The following MTR variants were observed in gnomAD, a reference collection of about 807,000 sequenced individuals.
The protein encoded by MTR is 5-methyltetrahydrofolate-homocysteine methyltransferase.
MTR carries 84 observed loss-of-function variants against 154.8 expected under a neutral mutation model. The observed-to-expected ratio is 0.54, with a 90% CI of 0.45 to 0.65. The LOEUF (loss-of-function observed/expected upper bound fraction) is 0.65, where lower values mean the gene tolerates loss of function less well. Ranked by LOEUF, MTR falls within the 30% of genes least tolerant of loss-of-function variation. The probability of loss-of-function intolerance (pLI) is 0.00; values close to 1 mark genes in which losing one functional copy is unlikely to be tolerated. For missense variants in MTR, 1,275 were observed against 1,570.2 expected, an observed-to-expected ratio of 0.81 and a Z score of 3.18; for synonymous variants, 554 against 553.9, an observed-to-expected ratio of 1.00 and a Z score of 0.00.
At chr1:236,813,934 GA>G (rs1294547177) in intron 6 of MTR, among the ~76,000 whole-genome samples, 2 of 151,948 alleles carry the variant, frequency 1.3e-5, no homozygotes, top group African/African-American at 2.4e-5. Flanking sequence ...TTTGTTGTGG[GA>G]GGGGGAGACT....
Position 236,835,645 on chromosome 1 carries a change from C to T in MTR, c.1287C>T (p.Thr429=). ...DGMLDGPSAM[T]RFCNLIASEP... is the part of the protein sequence containing the mutation. ...TGCTAGATGGTCCAAGTGCAATGACCAGATTTTGCAACTTAATTGCTTCCG... is the reference window on the plus strand; with the variant it reads ...TGCTAGATGGTCCAAGTGCAATGACTAGATTTTGCAACTTAATTGCTTCCG... Residue 429 remains threonine, a synonymous_variant, in exon 14 of 33, where the codon ACC becomes ACT. Coordinates refer to ENST00000366577, the MANE Select transcript of MTR (RefSeq NM_000254.3). 6.2e-7 allele frequency: 1 copy of T among 1,611,140 alleles called. No homozygotes were observed. Among genetic ancestry groups the T allele is most frequent in the Non-Finnish European group, 8.5e-7 (1 of 1,179,478 alleles).
At chr1:236,858,511 G>A (rs371014833) in intron 18 of MTR, among the ~76,000 whole-genome samples, 31 of 152,282 alleles carry the variant, frequency 2.0e-4, no homozygotes, top group African/African-American at 3.6e-4. Context: ...GTACCATGTC[G>A]TGAAAGCAAT....
intron 8 of MTR, 108 bp from the exon 9 acceptor site, chr1:236,824,011 G>A (rs1392915831): frequency 2.2e-6 from 2 of 925,072 alleles, no homozygotes; most frequent in Non-Finnish European, 3.5e-6. Flanking sequence ...TTTGAATGAG[G>A]AGATTTATTA....
intron 18 of MTR, among the ~76,000 whole-genome samples, chr1:236,857,272 C>T (rs981303709): frequency 6.6e-5 from 10 of 152,112 alleles, no homozygotes; most frequent in African/African-American, 2.4e-4. Flanking sequence ...TTTCTCCCTC[C>T]TCTCCTTCTT....
Position 236,838,456 on chromosome 1 carries a change from G to A in MTR, c.1372G>A (p.Ala458Thr). ...IDSSNFAVIE[A>T]GLKCCQGKCI... ...CTCCTCCAATTTTGCTGTGATTGAA[G>A]CTGGGTTAAAGTGCTGCCAAGGGAA... The change falls in exon 15 of 33, where the codon GCT becomes ACT. Residue 458 changes from alanine to threonine, a missense_variant. By Grantham distance (58) the Ala-to-Thr change is moderately conservative (BLOSUM62 0). Transcript: ENST00000366577. The A allele has an allele frequency of 6.2e-7, 1 of 1,614,146 alleles. No individual in the cohort carries two copies.
intron 26 of MTR, among the ~76,000 whole-genome samples, chr1:236,885,681 C>CCGAGA (rs1386409579): frequency 4.6e-5 from 7 of 152,182 alleles, no homozygotes; most frequent in African/African-American, 1.4e-4. Flanking sequence ...TAAGAACTGT[C>CCGAGA]CGTCTCTTGA....
intron 24 of MTR, among the ~76,000 whole-genome samples, chr1:236,880,044 C>T (rs1410790715): frequency 1.3e-5 from 2 of 152,052 alleles, no homozygotes; most frequent in Middle Eastern, 3.4e-3. Context: ...GCCTGTAGTC[C>T]CAGCTACTTG....
At chr1:236,865,800 C>G (rs752945385) in intron 22 of MTR, among the ~76,000 whole-genome samples, 4 of 151,724 alleles carry the variant, frequency 2.6e-5, no homozygotes, top group Non-Finnish European at 4.4e-5. Flanking sequence ...TCTTTGTCAC[C>G]TTTTTGTTGT....
intron 18 of MTR, among the ~76,000 whole-genome samples, chr1:236,856,361 G>A (rs1395976347): frequency 6.6e-6 from 1 of 151,832 alleles, no homozygotes; most frequent in Non-Finnish European, 1.5e-5. Context: ...ATCTCGTTCA[G>A]GTTTTTCAAC....
chr1:236,841,943 T>G (rs1414000087), intron 15 of MTR, among the ~76,000 whole-genome samples: 1 of 149,046 alleles, frequency 6.7e-6, no homozygotes, highest in Non-Finnish European at 1.5e-5. Flanking sequence ...CAGGCTGGAG[T>G]GCGGTGGCGC....
chr1:236,865,875 C>A (rs931316508), intron 22 of MTR, among the ~76,000 whole-genome samples: 1 of 151,814 alleles, frequency 6.6e-6, no homozygotes, highest in Non-Finnish European at 1.5e-5. Flanking sequence ...GATCCTACTA[C>A]CCTGCCTGTT....
intron 6 of MTR, among the ~76,000 whole-genome samples, chr1:236,814,818 T>G (rs1661494952): frequency 6.6e-6 from 1 of 152,194 alleles, no homozygotes; most frequent in African/African-American, 2.4e-5. Flanking sequence ...CCGTAAGATC[T>G]TTAGGATCAA....
At chr1:236,857,192 G>T (rs2103275919) in intron 18 of MTR, among the ~76,000 whole-genome samples, 1 of 152,280 alleles carries the variant, frequency 6.6e-6, no homozygotes, top group African/African-American at 2.4e-5. Flanking sequence ...TCCAGCATCT[G>T]TTGTTTCCTG....
chr1:236,796,096 C>A (rs550894849), intron 1 of MTR, among the ~76,000 whole-genome samples: 1 of 151,712 alleles, frequency 6.6e-6, no homozygotes, highest in Non-Finnish European at 1.5e-5. Context: ...GACGCTTATT[C>A]GTAAATATGT....
intron 5 of MTR, chr1:236,811,765 A>G: frequency 2.2e-6 from 1 of 446,992 alleles, no homozygotes; most frequent in East Asian, 7.0e-5. Context: ...AAAATGATGC[A>G]TAGCAGGCCC....
At chr1:236,883,073 C>G (rs944281633) in intron 25 of MTR, among the ~76,000 whole-genome samples, 4 of 152,166 alleles carry the variant, frequency 2.6e-5, no homozygotes, top group African/African-American at 7.2e-5. Context: ...GATTTAGACC[C>G]TTGCTTTCTT....
intron 12 of MTR, 148 bp from the exon 13 acceptor site, chr1:236,831,818 T>G: frequency 1.5e-6 from 1 of 673,586 alleles, no homozygotes; most frequent in East Asian, 2.8e-5. Flanking sequence ...GAGACGACTA[T>G]GGCCCTGTTT....
chr1:236,893,648 A>AT (rs996308305), intron 29 of MTR, among the ~76,000 whole-genome samples: 2 of 152,212 alleles, frequency 1.3e-5, no homozygotes, highest in African/African-American at 4.8e-5. Flanking sequence ...ATATTTATTG[A>AT]TTTTTTTAAT....
intron 16 of MTR, among the ~76,000 whole-genome samples, chr1:236,851,434 A>G (rs918567351): frequency 1.3e-5 from 2 of 152,226 alleles, no homozygotes; most frequent in African/African-American, 2.4e-5. Flanking sequence ...TGTGTGTTAG[A>G]TAAGCTTTGT....
Sources: gnomAD v4.1 joint callset for allele counts (sites outside exome capture counted in the v4.1 genomes callset) on GRCh38, gnomAD v4.1.1 for gene constraint, MANE v1.5 for transcripts, NCBI Gene and HGNC (gene_info 2026-07-23, HGNC 2026-07-21) for gene names.